RIT2: variants seen among roughly 807,000 people sequenced by gnomAD.
RIT2 encodes the protein Ras like without CAAX 2.
RIT2 carries 24 observed loss-of-function variants against 23.7 expected under a neutral mutation model. That is an observed-to-expected ratio of 1.01 (90% CI 0.73 to 1.43). The LOEUF is 1.43. Ranked by LOEUF, RIT2 falls within the 40% of genes most tolerant of loss-of-function variation. RIT2 has a pLI of 0.00. For synonymous variants in RIT2, 107 were observed against 91.1 expected (o/e 1.17, Z -0.99); for missense variants, 236 against 266.9 (o/e 0.88, Z 0.81).
At chr18:43,000,862 G>T (rs867644795) in intron 2 of RIT2, among the ~76,000 whole-genome samples, 3 of 151,944 alleles carry the variant, frequency 2.0e-5, no homozygotes, top group Admixed American at 6.6e-5. Context: ...TTTCTTTATA[G>T]CAGTGTGAAA....
chr18:42,942,624 T>G (rs992694174), intron 3 of RIT2, among the ~76,000 whole-genome samples: 2 of 152,044 alleles, frequency 1.3e-5, no homozygotes, highest in African/African-American at 4.8e-5. Context: ...TTGGGCTTCC[T>G]TCCATATGCC....
intron 4 of RIT2, among the ~76,000 whole-genome samples, chr18:42,800,745 A>AGG (rs1196805243): frequency 6.6e-6 from 1 of 151,860 alleles, no homozygotes; most frequent in Non-Finnish European, 1.5e-5. Flanking sequence ...GTTAGCCAGG[A>AGG]TGGTCTCGAT....
intron 1 of RIT2, among the ~76,000 whole-genome samples, chr18:43,057,617 A>G (rs1167898538): frequency 2.0e-5 from 3 of 151,532 alleles, no homozygotes; most frequent in Admixed American, 1.3e-4. Context: ...ATGCACATGC[A>G]TTAAACTGGC....
intron 1 of RIT2, among the ~76,000 whole-genome samples, chr18:43,112,483 A>C (rs1194144916): frequency 6.6e-6 from 1 of 152,238 alleles, no homozygotes; most frequent in African/African-American, 2.4e-5. Flanking sequence ...TTGTGGTTTA[A>C]AATTCCTCAC....
chr18:42,897,508 C>T (rs1217633622), intron 4 of RIT2, among the ~76,000 whole-genome samples: 1 of 152,018 alleles, frequency 6.6e-6, no homozygotes, highest in African/African-American at 2.4e-5. Flanking sequence ...TGCAGTGACC[C>T]CAAAGGGAGC....
chr18:42,952,624 C>G (rs1231837111), intron 3 of RIT2, among the ~76,000 whole-genome samples: 2 of 152,026 alleles, frequency 1.3e-5, no homozygotes, highest in African/African-American at 2.4e-5. Context: ...GATGGTTTCA[C>G]AGATGTATAC....
At chr18:43,020,305 T>C (rs62092663) in intron 2 of RIT2, among the ~76,000 whole-genome samples, 13,070 of 151,938 alleles carry the variant, frequency 0.086, 677 homozygotes, top group East Asian at 0.17. Context: ...ACCAACATGG[T>C]GAAACCCTCT....
chr18:42,983,276 T>C (rs1179764187), intron 2 of RIT2, among the ~76,000 whole-genome samples: 1 of 152,060 alleles, frequency 6.6e-6, no homozygotes, highest in South Asian at 2.1e-4. Context: ...TAAGCGTTTT[T>C]AACCAGTGGT....
intron 4 of RIT2, among the ~76,000 whole-genome samples, chr18:42,913,615 C>G (rs1908829568): frequency 6.6e-6 from 1 of 151,712 alleles, no homozygotes; most frequent in East Asian, 1.9e-4. Flanking sequence ...AAGCCAGGCA[C>G]AGAAAGACAA....
intron 4 of RIT2, among the ~76,000 whole-genome samples, chr18:42,775,248 A>T (rs1012273747): frequency 1.3e-5 from 2 of 152,178 alleles, no homozygotes; most frequent in Non-Finnish European, 2.9e-5. Flanking sequence ...TATGCTAGAG[A>T]GAAAAGACAT....
At chr18:42,771,483 A>T (rs1913550096) in intron 4 of RIT2, among the ~76,000 whole-genome samples, 1 of 152,164 alleles carries the variant, frequency 6.6e-6, no homozygotes, top group African/African-American at 2.4e-5. Flanking sequence ...AATCCTATGG[A>T]GCATTAGGCA....
chr18:43,017,197 G>C lies in RIT2; in HGVS notation c.160+16614C>G, dbSNP rs555388729. Among the ~76,000 whole-genome samples the C allele has an allele frequency of 3.9e-5, 6 of 152,002 alleles. No individual in the cohort carries two copies. The East Asian group carries it at 1.2e-3, about 30-fold the overall frequency. On this transcript the variant is annotated intron_variant, in intron 2 of 4. Transcript: ENST00000326695. ...TAAAAATGATAATTACACAAATTGG[G>C]AGAGGCAAATGCACACTTTGTTAGC...
At chr18:43,002,262 G>A (rs900468332) in intron 2 of RIT2, among the ~76,000 whole-genome samples, 4 of 151,838 alleles carry the variant, frequency 2.6e-5, no homozygotes, top group East Asian at 3.9e-4. Context: ...ACACTTAATC[G>A]GTCGAATTCT....
At chr18:42,783,543 AT>A (rs11460196) in intron 4 of RIT2, among the ~76,000 whole-genome samples, 2 of 151,862 alleles carry the variant, frequency 1.3e-5, no homozygotes, top group Admixed American at 6.6e-5. Context: ...AAAAATGTTG[AT>A]TTTTTAAGTT....
chr18:42,873,116 T>C (rs561075596), intron 4 of RIT2, among the ~76,000 whole-genome samples: 11 of 152,292 alleles, frequency 7.2e-5, no homozygotes, highest in Admixed American at 4.6e-4. Context: ...TTCATATGAC[T>C]GGGTGTGGAG....
At chr18:42,779,783 T>A (rs1367154327) in intron 4 of RIT2, among the ~76,000 whole-genome samples, 1 of 152,170 alleles carries the variant, frequency 6.6e-6, no homozygotes. Context: ...AATAAGATCA[T>A]AAGTTAACAC....
intron 3 of RIT2, among the ~76,000 whole-genome samples, chr18:42,937,978 T>A (rs1390486332): frequency 6.6e-6 from 1 of 152,040 alleles, no homozygotes; most frequent in South Asian, 2.1e-4. Context: ...CCAGTGGCTG[T>A]GGGGGATTAC....
chr18:42,984,044 G>A (rs1220537434), intron 2 of RIT2, among the ~76,000 whole-genome samples: 5 of 152,020 alleles, frequency 3.3e-5, no homozygotes, highest in Admixed American at 6.6e-5. Context: ...GCACTCCTGA[G>A]CATTTATTTT....
chr18:42,903,221 A>C (rs1329728875), intron 4 of RIT2, among the ~76,000 whole-genome samples: 1 of 152,046 alleles, frequency 6.6e-6, no homozygotes, highest in African/African-American at 2.4e-5. Flanking sequence ...ATAATAAATA[A>C]GCCAAAATAA....
Sources: allele counts gnomAD v4.1 joint callset (sites outside exome capture counted in the v4.1 genomes callset), GRCh38; gene constraint gnomAD v4.1.1; transcripts MANE v1.5; gene names NCBI Gene and HGNC (gene_info 2026-07-23, HGNC 2026-07-21).